The following AMZ1 variants were observed in gnomAD, a reference collection of about 807,000 sequenced individuals.
AMZ1 encodes the protein archaelysin family metallopeptidase 1.
A neutral mutation model predicts 29.9 loss-of-function variants in AMZ1; 39 were observed. That is an observed-to-expected ratio of 1.30 (90% CI 1.01 to 1.70). The LOEUF is 1.70. AMZ1 is among the 40% of genes most tolerant of loss of function. The pLI is 0.00. For missense variants in AMZ1, 1,041 were observed against 680.6 expected, an observed-to-expected ratio of 1.53 and a Z score of -5.89; for synonymous variants, 458 against 304.0, an observed-to-expected ratio of 1.51 and a Z score of -5.27.
In AMZ1 at chr7:2,714,705, C is replaced by T. The variant is rs1318870246; in HGVS notation, c.*1827C>T. 1 of 152,212 alleles carries T rather than the reference C, an allele frequency of 6.6e-6. No individual in the cohort carries two copies. Among genetic ancestry groups the T allele is most frequent in the Non-Finnish European group, 1.5e-5 (1 of 68,052 alleles). 9.4% of individuals were successfully genotyped at this position (152,212 alleles called of 1,614,324 possible). ...CGGTGGAGACGGTTTGCCCCTGTGG[C>T]TCGACTGGAGTGTTCGTTCACACGG... On this transcript the variant is annotated 3_prime_UTR_variant, in exon 7 of 7. Transcript: ENST00000683327.
intron 1 of AMZ1, among the ~76,000 whole-genome samples, chr7:2,695,229 A>G (rs1787638330): frequency 1.3e-5 from 2 of 152,074 alleles, no homozygotes; most frequent in Admixed American, 1.3e-4. Flanking sequence ...TATGGTCCAG[A>G]GGCGGGAATT....
At position 2,706,810 on chromosome 7, in the gene AMZ1, A is replaced by G. The variant is rs73047328; in HGVS notation, c.473-1778A>G. On this transcript the variant is annotated intron_variant, in intron 3 of 6. Transcript: ENST00000683327. ...CTTTTTGGGGGACATAGCCTGATCC[A>G]CAACAATCATCACTGTCAATCATCA... is the stretch of plus-strand genomic sequence containing the variant. Among the ~76,000 whole-genome samples, 638 of 142,210 alleles carry G rather than the reference A, an allele frequency of 4.5e-3. 4 individuals are homozygous for G. Among genetic ancestry groups the G allele is most frequent in the Non-Finnish European group, 6.8e-3 (461 of 67,992 alleles). The allele number at this position is 142,210 out of a possible 152,430, so 93.3% of individuals were successfully genotyped here.
rs776040308 is a variant in AMZ1, at chr7:2,714,209, G to C, written c.*1331G>C. On this transcript the variant is annotated 3_prime_UTR_variant, in exon 7 of 7. Coordinates refer to ENST00000683327, the MANE Select transcript of AMZ1 (RefSeq NM_001384743.1). ...CACAGCTCGCGCACCCTCATCTGGA[G>C]AGAGGCAAGAACAGGGCAGCTTGGA... 2.6e-5 allele frequency: 4 copies of C among 152,382 alleles called. No individual in the cohort carries two copies. The highest frequency in any genetic ancestry group is 4.4e-5 in the Non-Finnish European group (3 of 68,072). The allele number at this position is 152,382 out of a possible 1,614,324, so 9.4% of individuals were successfully genotyped here. A position where few individuals can be genotyped will look rare whatever the true frequency, so the allele number is the denominator to read the frequency against.
At position 2,688,964 on chromosome 7, in the gene AMZ1, C is replaced by T. The variant is rs187795675; in HGVS notation, c.-219+668C>T. Among the ~76,000 whole-genome samples, 30 of 152,344 alleles carry T rather than the reference C, an allele frequency of 2.0e-4. No individual in the cohort carries two copies. The East Asian group carries it at 3.3e-3, about 17-fold the overall frequency. ...TTCTGCCCCCATCACGGGAGGGAAA[C>T]ACTTGGCAGAGGAGTTTGGGGTTCG... On this transcript the variant is annotated intron_variant, in intron 1 of 6. Coordinates refer to ENST00000683327, the MANE Select transcript of AMZ1 (RefSeq NM_001384743.1).
rs376751656 is a variant in AMZ1 at position 2,700,609 on chromosome 7, C to T, written c.158C>T (p.Thr53Met). The T allele has an allele frequency of 1.7e-5, 28 of 1,610,604 alleles. No individual in the cohort carries two copies. Among genetic ancestry groups the T allele is most frequent in the Middle Eastern group, 1.6e-4 (1 of 6,084 alleles). The change falls in exon 2 of 7, where the codon ACG becomes ATG. Residue 53 changes from threonine (T) to methionine (M), a missense_variant. Transcript: ENST00000683327. ...GCCGAGGCCTACAACCCGCAGAGGA[C>T]GCTCTTCTGCACCCTGCTCATCCGC... is the stretch of plus-strand genomic sequence containing the variant. ...FLAEAYNPQR[T>M]LFCTLLIRTG... is the part of the protein sequence containing the mutation.
Position 2,711,598 on chromosome 7 carries a change from T to A in AMZ1, c.949-732T>A, listed in dbSNP as rs903675345. ...TCAAGTACTGCCTTTGCTTTACATT[T>A]TTTTCCCCCTGGTGGTCTCACTATG... On this transcript the variant is annotated intron_variant, in intron 6 of 6. Coordinates refer to ENST00000683327, the MANE Select transcript of AMZ1 (RefSeq NM_001384743.1). Among the ~76,000 whole-genome samples, 3 of 152,188 alleles carry A rather than the reference T, an allele frequency of 2.0e-5. No individual in the cohort carries two copies. The East Asian group carries it at 5.8e-4, about 29-fold the overall frequency.
At chr7:2,752,206 A>T (rs1447317398) in intron 4 of AMZ1, among the ~76,000 whole-genome samples, 1 of 152,224 alleles carries the variant, frequency 6.6e-6, no homozygotes, top group East Asian at 1.9e-4. Context: ...TAGATGCAGA[A>T]AAAAAGCATG....
intron 1 of AMZ1, among the ~76,000 whole-genome samples, chr7:2,698,242 C>T (rs1309641845): frequency 6.6e-6 from 1 of 151,918 alleles, no homozygotes; most frequent in African/African-American, 2.4e-5. Flanking sequence ...AAACAAAAAA[C>T]AAGCAAAAAA....
At chr7:2,694,658 A>G (rs1363019492) in intron 1 of AMZ1, among the ~76,000 whole-genome samples, 1 of 145,922 alleles carries the variant, frequency 6.9e-6, no homozygotes, top group Non-Finnish European at 1.5e-5. Flanking sequence ...AAAATCTCAT[A>G]TATATAATAT....
intron 4 of AMZ1, among the ~76,000 whole-genome samples, chr7:2,754,183 C>T (rs913996303): frequency 1.3e-5 from 2 of 152,192 alleles, no homozygotes; most frequent in Non-Finnish European, 2.9e-5. Flanking sequence ...GTAGTGCTAG[C>T]TCACAGCAGT....
Position 2,709,230 on chromosome 7 carries a change from G to C in AMZ1, c.757G>C (p.Val253Leu), listed in dbSNP as rs1224963638. Reference protein sequence around the residue: ...WALCFSALGMVQCCKVTCHEL... With the variant: ...WALCFSALGMLQCCKVTCHEL... The stretch of plus-strand genomic sequence containing the variant: ...CCTGTGCTTCAGTGCCCTGGGGATG[G>C]TTCAGTGCTGCAAGGTGGGTGGGGG... The change falls in exon 5 of 7, where the codon GTT (valine) becomes CTT (leucine). Residue 253 changes from valine (V) to leucine (L), a missense_variant. Transcript: ENST00000683327. The C allele has an allele frequency of 6.7e-6, 10 of 1,503,248 alleles. No homozygotes were observed. The Admixed American group carries it at 9.5e-5, about 14-fold the overall frequency. 93.1% of individuals were successfully genotyped at this position (1,503,248 alleles called of 1,614,324 possible). A position where few individuals can be genotyped will look rare whatever the true frequency, so the allele number is the denominator to read the frequency against.
intron 1 of AMZ1, among the ~76,000 whole-genome samples, chr7:2,697,777 A>T (rs969127695): frequency 6.6e-6 from 1 of 152,214 alleles, no homozygotes; most frequent in African/African-American, 2.4e-5. Context: ...CTCAAGATTT[A>T]TGAAGCAAAA....
intron 6 of AMZ1, 59 bp downstream of exon 6, chr7:2,709,875 C>T (rs768911131): frequency 2.9e-4 from 458 of 1,587,360 alleles, no homozygotes; most frequent in Non-Finnish European, 3.7e-4. Context: ...GGCCCGCGAG[C>T]GCCGCCTGGA....
chr7:2,753,885 A>G (rs1309816554), intron 4 of AMZ1, among the ~76,000 whole-genome samples: 2 of 152,088 alleles, frequency 1.3e-5, no homozygotes, highest in African/African-American at 4.8e-5. Flanking sequence ...CCTTTTCAGT[A>G]AGGATCATCT....
In AMZ1 at chr7:2,715,712, T is replaced by A. The variant is rs1789082372; in HGVS notation, c.*2834T>A. 1 of 152,234 alleles carries A rather than the reference T, an allele frequency of 6.6e-6. No individual in the cohort carries two copies. The highest frequency in any genetic ancestry group is 2.4e-5 in the African/African-American group (1 of 41,462). 9.4% of individuals were successfully genotyped at this position (152,234 alleles called of 1,614,324 possible). A position where few individuals can be genotyped will look rare whatever the true frequency, so the allele number is the denominator to read the frequency against. Reference sequence around the variant, plus strand: ...ATTGGTTTCCCTCCTCTCCCCCGTGTTAGCCCCAGGTTCTGTCTGTGCTGT... The same window carrying A: ...ATTGGTTTCCCTCCTCTCCCCCGTGATAGCCCCAGGTTCTGTCTGTGCTGT... On this transcript the variant is annotated 3_prime_UTR_variant, in exon 7 of 7. Coordinates refer to ENST00000683327, the MANE Select transcript of AMZ1 (RefSeq NM_001384743.1).
intron 1 of AMZ1, among the ~76,000 whole-genome samples, chr7:2,696,489 C>A (rs921293349): frequency 2.0e-5 from 3 of 150,700 alleles, no homozygotes; most frequent in African/African-American, 4.8e-5. Flanking sequence ...GATCTCCTGA[C>A]CTCGTGATCT....
Position 2,705,910 on chromosome 7 carries a change from G to A in AMZ1, c.473-2678G>A, listed in dbSNP as rs1372842573. 5.9e-5 allele frequency among the ~76,000 whole-genome samples: 9 copies of A among 152,218 alleles called. No individual in the cohort carries two copies. The East Asian group carries it at 1.2e-3, about 20-fold the overall frequency. ...CAGCTCTCCTCACCTCCCCCACGCC[G>A]TACACGGTGCGTCTCACCTGTTATG... On this transcript the variant is annotated intron_variant, in intron 3 of 6. Coordinates refer to ENST00000683327, the MANE Select transcript of AMZ1 (RefSeq NM_001384743.1).
Position 2,731,316 on chromosome 7 carries a change from C to T in AMZ1, n.550+21500C>T. 6.2e-7 allele frequency: 1 copy of T among 1,613,926 alleles called. No homozygotes were observed. Among genetic ancestry groups the T allele is most frequent in the Non-Finnish European group, 8.5e-7 (1 of 1,179,974 alleles). ...GTGGCTTGCTGCGGTTCCGTCTCTTCCTGTCGAAGCACTGGACCAGGTAGC... is the reference window on the plus strand; with the variant it reads ...GTGGCTTGCTGCGGTTCCGTCTCTTTCTGTCGAAGCACTGGACCAGGTAGC... On this transcript the variant is annotated intron_variant and non_coding_transcript_variant, in intron 4 of 4. Coordinates refer to the AMZ1 transcript ENST00000489665. The surrounding 1 kb of genome is among the most constrained non-coding windows in gnomAD (Gnocchi z 6.0).
At chr7:2,759,924 C>T (rs973849087), upstream of AMZ1, among the ~76,000 whole-genome samples, 12 of 152,208 alleles carry the variant, frequency 7.9e-5, no homozygotes, top group Non-Finnish European at 1.6e-4. Flanking sequence ...TGCTTTCTGC[C>T]ACCTGCTCCT....
Sources: allele counts gnomAD v4.1 joint callset (sites outside exome capture counted in the v4.1 genomes callset), GRCh38; gene constraint gnomAD v4.1.1; non-coding constraint Gnocchi (gnomAD v3.1); transcripts MANE v1.5; gene names NCBI Gene and HGNC (gene_info 2026-07-23, HGNC 2026-07-21).